Variants in ZNF136 observed in about 807,000 individuals in gnomAD.
ZNF136 encodes the protein zinc finger protein 136 (clone pHZ-20).
In ZNF136, 8 loss-of-function variants were observed where a neutral mutation model predicts 11.4. The ratio of observed to expected loss-of-function variants is 0.70; its 90% CI spans 0.41 to 1.27. The LOEUF (loss-of-function observed/expected upper bound fraction) is 1.27. ZNF136 is among the 50% of genes most tolerant of loss of function. The pLI is 0.01. For synonymous variants in ZNF136, 190 were observed against 207.1 expected (o/e 0.92, Z 0.71); for missense variants, 590 against 656.5 (o/e 0.90, Z 1.11).
rs755212318 is a variant in ZNF136, at chr19:12,187,440, T to G, written c.1062T>G (p.His354Gln). The part of the protein sequence containing the change: ...AFRSASTFQI[H>Q]ERTHTGEKPY... ...GATCTGCCAGTACCTTTCAAATACA[T>G]GAAAGGACTCACACTGGAGAAAAAC... The change falls in exon 4 of 4, where the codon CAT becomes CAG. Residue 354 changes from histidine (H) to glutamine (Q), a missense_variant. Coordinates refer to ENST00000343979, the MANE Select transcript of ZNF136 (RefSeq NM_003437.5). 1.9e-6 allele frequency: 3 copies of G among 1,613,814 alleles called. No homozygotes were observed. The highest frequency in any genetic ancestry group is 1.3e-5 in the African/African-American group (1 of 74,846).
chr19:12,178,980 C>T (rs1047169060), intron 1 of ZNF136, among the ~76,000 whole-genome samples: 4 of 150,122 alleles, frequency 2.7e-5, no homozygotes, highest in African/African-American at 9.8e-5. Context: ...CAGAATGAGA[C>T]TCTGTCTCAC....
At chr19:12,181,048 T>C (rs1914927281) in intron 1 of ZNF136, among the ~76,000 whole-genome samples, 1 of 152,200 alleles carries the variant, frequency 6.6e-6, no homozygotes, top group South Asian at 2.1e-4. Context: ...CACCCCACCC[T>C]GTACGATCTT....
chr19:12,165,863 A>G (rs994851633), intron 1 of ZNF136, among the ~76,000 whole-genome samples: 5 of 152,228 alleles, frequency 3.3e-5, no homozygotes, highest in African/African-American at 1.2e-4. Flanking sequence ...ATTCTGCACC[A>G]TCTGTATGTA....
In ZNF136 at chr19:12,187,596, A is replaced by G. The variant is rs1290857536; in HGVS notation, c.1218A>G (p.Pro406=). 7 of 1,613,924 alleles carry G rather than the reference A, an allele frequency of 4.3e-6. No homozygotes were observed. The highest frequency in any genetic ancestry group is 1.1e-5 in the South Asian group (1 of 91,066). ...GGAAACCCTTTCATTCTCTGAGTCC[A>G]TTTCGAATACATGAAAGAACTCACA... is the stretch of plus-strand genomic sequence containing the variant. ...VCGKPFHSLS[P]FRIHERTHTG... Residue 406 remains proline (P), a synonymous_variant, in exon 4 of 4, where the codon CCA becomes CCG. Coordinates refer to ENST00000343979, the MANE Select transcript of ZNF136 (RefSeq NM_003437.5).
At chr19:12,165,134 G>T (rs1977167979) in intron 1 of ZNF136, among the ~76,000 whole-genome samples, 1 of 152,160 alleles carries the variant, frequency 6.6e-6, no homozygotes, top group African/African-American at 2.4e-5. Flanking sequence ...TCAGCCTTGT[G>T]AAGGGAGAAA....
intron 1 of ZNF136, chr19:12,163,898 C>T (rs1039560937): frequency 6.6e-6 from 1 of 152,200 alleles, no homozygotes; most frequent in African/African-American, 2.4e-5. Context: ...TGCACAGATA[C>T]CTCATCAGAA....
At position 12,187,022 on chromosome 19, in the gene ZNF136, A is replaced by G; in HGVS notation, c.644A>G (p.Glu215Gly). ...FDYPSRFRTH[E>G]RSHTGEKPYE... The stretch of plus-strand genomic sequence containing the variant: ...TATCCCAGTAGATTTCGAACACATG[A>G]AAGAAGTCACACTGGAGAGAAACCC... The change falls in exon 4 of 4, where the codon GAA becomes GGA. Residue 215 changes from glutamate (E) to glycine (G), a missense_variant. Coordinates refer to ENST00000343979, the MANE Select transcript of ZNF136 (RefSeq NM_003437.5). The G allele has an allele frequency of 6.2e-7, 1 of 1,614,158 alleles. No homozygotes were observed. Among genetic ancestry groups the G allele is most frequent in the Non-Finnish European group, 8.5e-7 (1 of 1,180,000 alleles).
intron 1 of ZNF136, among the ~76,000 whole-genome samples, chr19:12,183,239 G>A (rs998189037): frequency 4.0e-5 from 6 of 151,534 alleles, no homozygotes; most frequent in Admixed American, 1.3e-4. Context: ...CCACCTCCCC[G>A]GTTCAAGCAA....
intron 1 of ZNF136, among the ~76,000 whole-genome samples, chr19:12,177,471 C>T (rs967389909): frequency 4.6e-5 from 7 of 152,176 alleles, no homozygotes; most frequent in African/African-American, 1.7e-4. Context: ...GCCTCAGCCT[C>T]CTGAGTAGCT....
chr19:12,185,835 G>A lies in ZNF136; in HGVS notation c.54G>A (p.Trp18Ter), dbSNP rs1915064776. The A allele has an allele frequency of 6.2e-7, 1 of 1,613,962 alleles. No individual in the cohort carries two copies. The highest frequency in any genetic ancestry group is 8.5e-7 in the Non-Finnish European group (1 of 1,179,968). Residue 18 changes from tryptophan to a stop codon, truncating the protein, a stop_gained, in exon 2 of 4, where the codon TGG (tryptophan) becomes TGA (stop). Transcript: ENST00000343979. LOFTEE classifies it high-confidence loss of function. ...ATGTGAACTTCACCCAGGAGGAGTG[G>A]GCTTTGCTAGATCCTTCCCAGAAGA... is the stretch of plus-strand genomic sequence containing the variant. ...DVDVNFTQEE[W>*]ALLDPSQKNL...
chr19:12,174,113 C>T lies in ZNF136; in HGVS notation c.3+10907C>T, dbSNP rs145360092. ...AGAGATGGGGTTTCTCCATGTTGGT[C>T]AGGCTGGTCTCAATCTCCTGGCCTC... On this transcript the variant is annotated intron_variant, in intron 1 of 3. Coordinates refer to ENST00000343979, the MANE Select transcript of ZNF136 (RefSeq NM_003437.5). Among the ~76,000 whole-genome samples, 236 of 152,266 alleles carry T rather than the reference C, an allele frequency of 1.5e-3. 2 individuals carry two copies. The East Asian group carries it at 0.029, about 19-fold the overall frequency.
rs1915107980 is a variant in ZNF136, at chr19:12,186,853, G to A, written c.475G>A (p.Glu159Lys). The A allele has an allele frequency of 6.2e-7, 1 of 1,614,012 alleles. No individual in the cohort carries two copies. The highest frequency in any genetic ancestry group is 1.7e-5 in the Admixed American group (1 of 60,000). The change falls in exon 4 of 4, where the codon GAG becomes AAG. Residue 159 changes from glutamate to lysine, a missense_variant. Transcript: ENST00000343979. ...FSSHHSFRTHEIIHTGEKLYD... is the reference protein window; with the variant it reads ...FSSHHSFRTHKIIHTGEKLYD... ...TTCTCACCACTCCTTTCGAACACAT[G>A]AGATAATTCACACTGGAGAGAAACT...
At chr19:12,174,868 T>C (rs1432622092) in intron 1 of ZNF136, among the ~76,000 whole-genome samples, 1 of 149,068 alleles carries the variant, frequency 6.7e-6, no homozygotes, top group Non-Finnish European at 1.5e-5. Flanking sequence ...TTTTTTTTTT[T>C]TTTTTTTGAG....
At chr19:12,181,276 G>A (rs900472525) in intron 1 of ZNF136, among the ~76,000 whole-genome samples, 9 of 152,166 alleles carry the variant, frequency 5.9e-5, no homozygotes, top group Non-Finnish European at 1.0e-4. Flanking sequence ...ATCAGCATCC[G>A]ATTCTGTTTC....
intron 1 of ZNF136, among the ~76,000 whole-genome samples, chr19:12,179,336 G>A (rs1914883649): frequency 6.7e-6 from 1 of 149,178 alleles, no homozygotes; most frequent in South Asian, 2.1e-4. Context: ...TTGAGATGGA[G>A]TCTCACTCTG....
chr19:12,188,016 G>T lies in ZNF136; in HGVS notation c.*15G>T. On this transcript the variant is annotated 3_prime_UTR_variant, in exon 4 of 4. Transcript: ENST00000343979. ...AAAGCCTTTAATGCTCTGGGTTCAT[G>T]TCAGATACATTAAAATACTCACTGA... is the stretch of plus-strand genomic sequence containing the variant. 1 of 1,496,590 alleles carries T rather than the reference G, an allele frequency of 6.7e-7. No individual in the cohort carries two copies. The highest frequency in any genetic ancestry group is 8.9e-7 in the Non-Finnish European group (1 of 1,124,584). 92.7% of individuals were successfully genotyped at this position (1,496,590 alleles called of 1,614,324 possible). A position where few individuals can be genotyped will look rare whatever the true frequency, so the allele number is the denominator to read the frequency against.
chr19:12,180,619 A>C (rs1381413539), intron 1 of ZNF136, among the ~76,000 whole-genome samples: 2 of 152,202 alleles, frequency 1.3e-5, no homozygotes, highest in Non-Finnish European at 1.5e-5. Context: ...AAATGTCACC[A>C]TCGGTCATTT....
chr19:12,174,638 C>T (rs899314238), intron 1 of ZNF136, among the ~76,000 whole-genome samples: 1 of 151,900 alleles, frequency 6.6e-6, no homozygotes, highest in Non-Finnish European at 1.5e-5. Flanking sequence ...TAATTTCTTT[C>T]TTTCTTTTTT....
At position 12,177,637 on chromosome 19, in the gene ZNF136, G is replaced by A. The variant is rs138653592; in HGVS notation, c.4-8148G>A. On this transcript the variant is annotated intron_variant, in intron 1 of 3. Coordinates refer to ENST00000343979, the MANE Select transcript of ZNF136 (RefSeq NM_003437.5). ...GCTGGGATTACAGGCATGAACCACC[G>A]CACCCAGACTTTTGAAAAATCTTTT... Among the ~76,000 whole-genome samples the A allele has an allele frequency of 3.3e-5, 5 of 152,262 alleles. No individual in the cohort carries two copies. In the East Asian group the frequency reaches 5.8e-4, roughly 18 times the overall value.
Sources: gnomAD v4.1 joint callset for allele counts (sites outside exome capture counted in the v4.1 genomes callset) on GRCh38, gnomAD v4.1.1 for gene constraint, MANE v1.5 for transcripts, NCBI Gene and HGNC (gene_info 2026-07-23, HGNC 2026-07-21) for gene names.